VPS37A: variants seen among roughly 807,000 people sequenced by gnomAD.
VPS37A encodes the protein vacuolar protein sorting-associated protein 37A.
In VPS37A, 30 loss-of-function variants were observed where a neutral mutation model predicts 49.8. The ratio of observed to expected loss-of-function variants is 0.60; its 90% CI spans 0.45 to 0.82. VPS37A has a LOEUF of 0.82. Among genes scored for constraint, VPS37A ranks in the 40% least tolerant of loss-of-function variants. VPS37A has a pLI of 0.00. For synonymous variants in VPS37A, 195 were observed against 160.6 expected (o/e 1.21, Z -1.62); for missense variants, 593 against 464.4 (o/e 1.28, Z -2.55).
intron 1 of VPS37A, among the ~76,000 whole-genome samples, chr8:17,265,562 G>A (rs1051275131): frequency 1.3e-5 from 2 of 152,132 alleles, no homozygotes; most frequent in African/African-American, 4.8e-5. Flanking sequence ...AAACCCAGAT[G>A]GATTGCTCAT....
the VPS37A span, among the ~76,000 whole-genome samples, chr8:17,322,680 C>G: frequency 6.6e-6 from 1 of 152,030 alleles, no homozygotes; most frequent in Admixed American, 6.6e-5. Flanking sequence ...AAAAAATTAG[C>G]TGGGTGTGGA....
chr8:17,280,431 T>C lies in VPS37A; in HGVS notation c.957T>C (p.His319=), dbSNP rs767599488. Residue 319 remains histidine (H), a synonymous_variant, in exon 9 of 12, where the codon CAT becomes CAC. Transcript: ENST00000324849. The part of the protein sequence containing the change: ...STFEKKMQRQ[H]ELSESCSASA... Reference sequence around the variant, plus strand: ...TCGAAAAGAAGATGCAAAGGCAGCATGAACTTAGTGAGGTAAGACTGTTTA... The same window carrying C: ...TCGAAAAGAAGATGCAAAGGCAGCACGAACTTAGTGAGGTAAGACTGTTTA... The C allele has an allele frequency of 1.2e-6, 2 of 1,607,702 alleles. No individual in the cohort carries two copies. The highest frequency in any genetic ancestry group is 3.4e-5 in the Admixed American group (2 of 58,852).
chr8:17,286,522 A>G, intron 11 of VPS37A, 95 bp downstream of exon 11: 1 of 1,039,774 alleles, frequency 9.6e-7, no homozygotes. Context: ...AGCCTTAAGC[A>G]TAATTCTGTC....
chr8:17,317,116 T>G, the VPS37A span, among the ~76,000 whole-genome samples: 1 of 152,208 alleles, frequency 6.6e-6, no homozygotes, highest in Admixed American at 6.5e-5. Flanking sequence ...TTTTTAGAAT[T>G]TGCTTGCTTA....
intron 1 of VPS37A, among the ~76,000 whole-genome samples, chr8:17,251,128 A>T (rs1811935552): frequency 6.6e-6 from 1 of 152,090 alleles, no homozygotes; most frequent in Non-Finnish European, 1.5e-5. Flanking sequence ...CCCAGCCTCC[A>T]CTAGAGGTGA....
chr8:17,264,084 G>A (rs949563361), intron 1 of VPS37A, among the ~76,000 whole-genome samples: 3 of 152,070 alleles, frequency 2.0e-5, no homozygotes, highest in Non-Finnish European at 4.4e-5. Flanking sequence ...GCATTATTTT[G>A]CGTAATCTAA....
downstream of VPS37A, among the ~76,000 whole-genome samples, chr8:17,303,861 C>T (rs774211054): frequency 1.0e-3 from 159 of 152,266 alleles, no homozygotes; most frequent in Middle Eastern, 3.4e-3. Flanking sequence ...CCACCCGCCT[C>T]GGCTAATACA....
chr8:17,299,822 T>C (rs201732199), downstream of VPS37A: 744 of 1,603,202 alleles, frequency 4.6e-4, 1 homozygote, highest in Non-Finnish European at 5.9e-4. Context: ...TTGGAAGTGT[T>C]GCTTATGTGT....
rs1207354159 is a variant in VPS37A, at chr8:17,297,684, A to AAAAC, written c.*2700_*2703dup. ...TATGCTTTAAACCACTGCTCTCAAT[A>AAAAC]AAACACTTCCTGATTAATGTTTGAT... On this transcript the variant is annotated 3_prime_UTR_variant, in exon 12 of 12. Transcript: ENST00000324849. The AAAAC allele has an allele frequency of 1.3e-5, 2 of 152,094 alleles. No individual in the cohort carries two copies. The highest frequency in any genetic ancestry group is 2.1e-4 in the South Asian group (1 of 4,834). The allele number at this position is 152,094 out of a possible 1,614,324, so 9.4% of individuals were successfully genotyped here.
chr8:17,300,035 T>G (rs763910414), downstream of VPS37A: 13 of 1,614,132 alleles, frequency 8.1e-6, 1 homozygote, highest in South Asian at 1.4e-4. Flanking sequence ...TGGGTTAGAA[T>G]CAGAGCAGAA....
chr8:17,290,010 T>C (rs1455860609), intron 11 of VPS37A, among the ~76,000 whole-genome samples: 2 of 152,208 alleles, frequency 1.3e-5, no homozygotes, highest in African/African-American at 4.8e-5. Flanking sequence ...TGTCTATTAT[T>C]GGTGTATAGG....
intron 11 of VPS37A, among the ~76,000 whole-genome samples, chr8:17,287,846 G>C (rs747693984): frequency 6.6e-6 from 1 of 152,112 alleles, no homozygotes; most frequent in Non-Finnish European, 1.5e-5. Context: ...ACTGTAGTCA[G>C]TTTGGCCTGG....
At chr8:17,321,452 T>C in the VPS37A span, among the ~76,000 whole-genome samples, 1 of 152,156 alleles carries the variant, frequency 6.6e-6, no homozygotes, top group African/African-American at 2.4e-5. Flanking sequence ...ACCCCACCAG[T>C]TTCTCAAGCA....
Position 17,280,450 on chromosome 8 carries a change from CTG to C in VPS37A, c.969+9_969+10del, listed in dbSNP as rs1563276536. On this transcript the variant is annotated splice_region_variant and intron_variant, in intron 9 of 11. Coordinates refer to ENST00000324849, the MANE Select transcript of VPS37A (RefSeq NM_152415.3). The stretch of plus-strand genomic sequence containing the variant: ...GCAGCATGAACTTAGTGAGGTAAGA[CTG>C]TTTATTTTTTTCCCTTTGCCATAGA... 6.3e-7 allele frequency: 1 copy of C among 1,586,370 alleles called. No individual in the cohort carries two copies. The highest frequency in any genetic ancestry group is 1.2e-5 in the South Asian group (1 of 84,810).
At chr8:17,284,362 A>G in intron 9 of VPS37A, 111 bp from the exon 10 acceptor site, 15 of 1,273,214 alleles carry the variant, frequency 1.2e-5, no homozygotes, top group South Asian at 1.7e-5. Flanking sequence ...AAAAGAGGCT[A>G]TATAGGGCAT....
intron 4 of VPS37A, among the ~76,000 whole-genome samples, chr8:17,273,460 G>A (rs772518541): frequency 1.2e-4 from 18 of 152,104 alleles, no homozygotes; most frequent in South Asian, 1.0e-3. Flanking sequence ...TCGGCCTCCC[G>A]GGTTCATGCC....
At chr8:17,265,791 C>G (rs752736410) in intron 1 of VPS37A, 116 bp from the exon 2 acceptor site, 4 of 1,561,526 alleles carry the variant, frequency 2.6e-6, no homozygotes, top group Middle Eastern at 1.7e-4. Context: ...TGCTGGCTAT[C>G]CAGATTCTGT....
At position 17,276,443 on chromosome 8, in the gene VPS37A, C is replaced by T. The variant is rs141142487; in HGVS notation, c.689C>T (p.Ala230Val). 3 of 1,612,262 alleles carry T rather than the reference C, an allele frequency of 1.9e-6. No individual in the cohort carries two copies. The highest frequency in any genetic ancestry group is 2.5e-6 in the Non-Finnish European group (3 of 1,179,280). ...TACAAGATGCCAGATGTCCCTGATG[C>T]ATTTCCAGAACTCTCAGAACTAAGG... is the stretch of plus-strand genomic sequence containing the variant. The part of the protein sequence containing the change: ...FGYKMPDVPD[A>V]FPELSELSVS... Residue 230 changes from alanine to valine, a missense_variant, in exon 6 of 12, where the codon GCA (alanine) becomes GTA (valine). Coordinates refer to ENST00000324849, the MANE Select transcript of VPS37A (RefSeq NM_152415.3).
At chr8:17,306,927 T>TA (rs11310836), downstream of VPS37A, among the ~76,000 whole-genome samples, 1 of 152,104 alleles carries the variant, frequency 6.6e-6, no homozygotes, top group Non-Finnish European at 1.5e-5. Flanking sequence ...CCTAAAACTA[T>TA]AAAAAACCCT....
Sources: allele counts gnomAD v4.1 joint callset (sites outside exome capture counted in the v4.1 genomes callset), GRCh38; gene constraint gnomAD v4.1.1; transcripts MANE v1.5; gene names NCBI Gene and HGNC (gene_info 2026-07-23, HGNC 2026-07-21).